Variants in ZNF208 observed in about 807,000 individuals in gnomAD.
ZNF208 encodes zinc finger protein 95.
In ZNF208, 10 loss-of-function variants were observed where a neutral mutation model predicts 12.1. The ratio of observed to expected loss-of-function variants is 0.83; its 90% CI spans 0.51 to 1.40. ZNF208 has a LOEUF of 1.40. Among genes scored for constraint, ZNF208 ranks in the 40% most tolerant of loss-of-function variants. ZNF208 has a pLI of 0.00. For synonymous variants in ZNF208, 497 were observed against 488.4 expected (o/e 1.02, Z -0.23); for missense variants, 1,652 against 1,485.0 (o/e 1.11, Z -1.85).
chr19:21,978,222 G>A (rs1156976150), intron 3 of ZNF208, among the ~76,000 whole-genome samples: 1 of 152,208 alleles, frequency 6.6e-6, no homozygotes, highest in African/African-American at 2.4e-5. Flanking sequence ...TTTGAGCTCT[G>A]CTAAGGGTCA....
At chr19:21,960,287 A>G (rs1434398852) in intron 4 of ZNF208, among the ~76,000 whole-genome samples, 2 of 152,126 alleles carry the variant, frequency 1.3e-5, no homozygotes, top group African/African-American at 4.8e-5. Context: ...TATTGTTTCA[A>G]TCAGCCAAAA....
At chr19:21,985,500 G>C (rs1970617076) in intron 3 of ZNF208, among the ~76,000 whole-genome samples, 1 of 152,182 alleles carries the variant, frequency 6.6e-6, no homozygotes, top group Non-Finnish European at 1.5e-5. Context: ...ACCCTTTTCA[G>C]CAGGCAAGCT....
chr19:21,949,683 AAAGG>A (rs1969862704), intron 4 of ZNF208, among the ~76,000 whole-genome samples: 1 of 152,182 alleles, frequency 6.6e-6, no homozygotes, highest in South Asian at 2.1e-4. Context: ...TATGTATCAA[AAAGG>A]AAGTTAATGA....
intron 4 of ZNF208, chr19:21,940,479 T>C (rs1426728951): frequency 2.0e-5 from 3 of 152,062 alleles, no homozygotes; most frequent in Non-Finnish European, 4.4e-5. Flanking sequence ...AAAAATGAAC[T>C]CTCACTTTAG....
intron 1 of ZNF208, among the ~76,000 whole-genome samples, chr19:21,994,183 T>A (rs1970788521): frequency 6.6e-6 from 1 of 152,242 alleles, no homozygotes. Flanking sequence ...TGTTTATATT[T>A]ACTTTCTTGT....
downstream of ZNF208, among the ~76,000 whole-genome samples, chr19:21,963,254 G>T (rs559414412): frequency 6.6e-6 from 1 of 152,008 alleles, no homozygotes; most frequent in Non-Finnish European, 1.5e-5. Flanking sequence ...TAACCAAGAG[G>T]AATTTATCTC....
chr19:21,976,979 T>C (rs1344016270), intron 3 of ZNF208, among the ~76,000 whole-genome samples: 8 of 151,454 alleles, frequency 5.3e-5, no homozygotes, highest in African/African-American at 1.9e-4. Flanking sequence ...CAAATATTAA[T>C]CAAATGAGAG....
At chr19:21,989,459 C>G (rs1039439772) in intron 1 of ZNF208, among the ~76,000 whole-genome samples, 1 of 152,064 alleles carries the variant, frequency 6.6e-6, no homozygotes, top group Admixed American at 6.6e-5. Flanking sequence ...ATATGTGCCA[C>G]ATTTTCTTAA....
At chr19:21,975,719 G>C (rs1001573560) in intron 3 of ZNF208, among the ~76,000 whole-genome samples, 1 of 148,582 alleles carries the variant, frequency 6.7e-6, no homozygotes, top group African/African-American at 2.5e-5. Flanking sequence ...GAACACAAAA[G>C]TGTATAGAAA....
In ZNF208 at chr19:22,010,855, T is replaced by C. The variant is rs2145593112; in HGVS notation, c.-61A>G. 3 of 1,607,014 alleles carry C rather than the reference T, an allele frequency of 1.9e-6. No individual in the cohort carries two copies. Among genetic ancestry groups the C allele is most frequent in the Non-Finnish European group, 1.7e-6 (2 of 1,173,860 alleles). ...TGGATCTCCCAATACCTGCAGGTCA[T>C]AGGGCCACAGAGGCTGGGACTCTAG... On this transcript the variant is annotated 5_prime_UTR_variant, in exon 1 of 4. An upstream start codon of the reference 5' UTR is lost. Transcript: ENST00000397126.
chr19:21,992,309 T>A (rs1400525142), intron 1 of ZNF208, among the ~76,000 whole-genome samples: 1 of 152,254 alleles, frequency 6.6e-6, no homozygotes, highest in Non-Finnish European at 1.5e-5. Context: ...ACTGCTGAGA[T>A]ATTGCCCCCT....
Position 21,972,265 on chromosome 19 carries a change from G to A in ZNF208, c.2769C>T (p.Gly923=), listed in dbSNP as rs773607034. The A allele has an allele frequency of 6.2e-7, 1 of 1,613,702 alleles. No homozygotes were observed. Among genetic ancestry groups the A allele is most frequent in the Non-Finnish European group, 8.5e-7 (1 of 1,179,924 alleles). ...GEKPYKCEEC[G]KAFSWLSVFS... ...AGACTGACAACCAGCTGAAGGCTTT[G>A]CCACATTCTTCACATTTGTAGGGTT... is the stretch of plus-strand genomic sequence containing the variant. The change falls in exon 4 of 4, where the codon GGC becomes GGT. Residue 923 remains glycine, a synonymous_variant. Coordinates refer to ENST00000397126, the MANE Select transcript of ZNF208 (RefSeq NM_007153.3).
intron 4 of ZNF208, among the ~76,000 whole-genome samples, chr19:21,950,965 A>C (rs1208756529): frequency 6.6e-6 from 1 of 152,232 alleles, no homozygotes; most frequent in South Asian, 2.1e-4. Context: ...ACAAATAAGC[A>C]CTTAGATAAA....
At chr19:22,004,418 T>C (rs555833256) in intron 1 of ZNF208, among the ~76,000 whole-genome samples, 1 of 151,628 alleles carries the variant, frequency 6.6e-6, no homozygotes, top group South Asian at 2.1e-4. Context: ...CCAGAGGCTG[T>C]GGCAGAATTG....
intron 4 of ZNF208, among the ~76,000 whole-genome samples, chr19:21,947,184 C>A (rs1419654330): frequency 2.0e-5 from 3 of 152,136 alleles, no homozygotes; most frequent in African/African-American, 7.2e-5. Context: ...AAGGGCCTTT[C>A]TCTCCCACAG....
In ZNF208 at chr19:21,953,402, G is replaced by A. The variant is rs572272889; in HGVS notation, c.306-20165C>T. 9.3e-3 allele frequency among the ~76,000 whole-genome samples: 857 copies of A among 92,488 alleles called. 1 individual carries two copies. The highest frequency in any genetic ancestry group is 0.041 in the African/African-American group (798 of 19,266). 60.7% of individuals were successfully genotyped at this position (92,488 alleles called of 152,430 possible). A position where few individuals can be genotyped will look rare whatever the true frequency, so the allele number is the denominator to read the frequency against. Reference sequence around the variant, plus strand: ...GTAAAAATGAAAGAAAAAATGTTACGGGTAGCCAGAAAGGTCAGGTTACCC... The same window carrying A: ...GTAAAAATGAAAGAAAAAATGTTACAGGTAGCCAGAAAGGTCAGGTTACCC... On this transcript the variant is annotated intron_variant, in intron 4 of 4. Transcript: ENST00000599916.
chr19:22,006,351 A>G (rs771811056), intron 1 of ZNF208, among the ~76,000 whole-genome samples: 10 of 150,238 alleles, frequency 6.7e-5, no homozygotes, highest in Admixed American at 1.3e-4. Context: ...CTGTTGTAAT[A>G]CTCCTTTGGA....
chr19:21,983,937 C>T (rs7260454), intron 3 of ZNF208, among the ~76,000 whole-genome samples: 23,468 of 151,854 alleles, frequency 0.15, 1,976 homozygotes, highest in Admixed American at 0.22. Context: ...CCCCATGGCA[C>T]GTGTATACCT....
At chr19:21,954,571 C>T (rs1392458781) in intron 4 of ZNF208, among the ~76,000 whole-genome samples, 1 of 152,148 alleles carries the variant, frequency 6.6e-6, no homozygotes, top group Admixed American at 6.6e-5. Context: ...TTGCATTGAT[C>T]CCTTTACCAT....
Sources: allele counts gnomAD v4.1 joint callset (sites outside exome capture counted in the v4.1 genomes callset), GRCh38; gene constraint gnomAD v4.1.1; transcripts MANE v1.5; gene names NCBI Gene and HGNC (gene_info 2026-07-23, HGNC 2026-07-21).